Variants in TDRD3 observed in about 807,000 individuals in gnomAD.
The protein encoded by TDRD3 is tudor domain containing 3.
Under a neutral mutation model 86.7 loss-of-function variants are expected in TDRD3, and 45 were observed. That is an observed-to-expected ratio of 0.52 (90% confidence interval 0.41 to 0.67). TDRD3 has a LOEUF of 0.67. Among genes scored for constraint, TDRD3 ranks in the 30% least tolerant of loss-of-function variants. The pLI, the probability that TDRD3 is intolerant of heterozygous loss-of-function variation, is 0.00. For synonymous variants in TDRD3, 298 were observed against 301.7 expected, an observed-to-expected ratio of 0.99 and a Z score of 0.13; for missense variants, 814 against 889.0, an observed-to-expected ratio of 0.92 and a Z score of 1.07.
intron 2 of TDRD3, among the ~76,000 whole-genome samples, chr13:60,442,369 T>TTA (rs1555273694): frequency 1.5e-5 from 2 of 136,084 alleles, no homozygotes; most frequent in Non-Finnish European, 3.4e-5. Context: ...AATAGGGATT[T>TTA]TATGTGTGTG....
intron 3 of TDRD3, among the ~76,000 whole-genome samples, chr13:60,448,762 A>G (rs1042706494): frequency 1.3e-5 from 2 of 152,200 alleles, no homozygotes; most frequent in African/African-American, 2.4e-5. Context: ...GCTAAAAATT[A>G]TGGAAAAAGT....
rs755731106 is a variant in TDRD3 at position 60,421,811 on chromosome 13, C to T, written c.42-17877C>T. ...GGCTTTGGTGATCCAAGGCAGACCT[C>T]GAAAAAAACTACAGAAAAGCAGAGG... On this transcript the variant is annotated intron_variant, in intron 1 of 13. Coordinates refer to ENST00000377881, the MANE Select transcript of TDRD3 (RefSeq NM_001146070.2). Among the ~76,000 whole-genome samples the T allele has an allele frequency of 3.9e-4, 59 of 151,706 alleles. 1 individual carries two copies. Among genetic ancestry groups the T allele is most frequent in the Non-Finnish European group, 7.8e-4 (53 of 67,980 alleles).
At chr13:60,565,539 A>T (rs918533486) in intron 12 of TDRD3, among the ~76,000 whole-genome samples, 15 of 152,150 alleles carry the variant, frequency 9.9e-5, no homozygotes, top group Non-Finnish European at 2.1e-4. Flanking sequence ...TTCAAATAGC[A>T]TTGTCGTTTT....
chr13:60,451,743 A>C (rs1267367001), intron 3 of TDRD3, among the ~76,000 whole-genome samples: 1 of 152,174 alleles, frequency 6.6e-6, no homozygotes, highest in Non-Finnish European at 1.5e-5. Flanking sequence ...ATTGTATATG[A>C]GATTCAATTG....
At chr13:60,532,115 G>A (rs948338829) in intron 11 of TDRD3, among the ~76,000 whole-genome samples, 1 of 152,100 alleles carries the variant, frequency 6.6e-6, no homozygotes, top group Non-Finnish European at 1.5e-5. Flanking sequence ...AGTAATAGCT[G>A]TGGTGAAAAA....
chr13:60,404,468 G>A (rs1297015764), intron 1 of TDRD3, among the ~76,000 whole-genome samples: 4 of 149,696 alleles, frequency 2.7e-5, no homozygotes, highest in Non-Finnish European at 5.9e-5. Context: ...CCGCCACTAC[G>A]CCCGGCTAAT....
At chr13:60,505,878 T>C (rs61968681) in intron 8 of TDRD3, among the ~76,000 whole-genome samples, 22,821 of 152,070 alleles carry the variant, frequency 0.15, 2,149 homozygotes, top group South Asian at 0.28. Flanking sequence ...AATATGGGAC[T>C]ATGTGAAAAG....
chr13:60,567,567 G>A lies in TDRD3; in HGVS notation c.2161G>A (p.Gly721Arg), dbSNP rs1258046576. 2 of 1,614,032 alleles carry A rather than the reference G, an allele frequency of 1.2e-6. No individual in the cohort carries two copies. Among genetic ancestry groups the A allele is most frequent in the African/African-American group, 2.7e-5 (2 of 74,898 alleles). The change falls in exon 13 of 14, where the codon GGA (glycine) becomes AGA (arginine). Residue 721 changes from glycine (G) to arginine (R), a missense_variant. By Grantham distance (125) the Gly-to-Arg change is moderately radical (BLOSUM62 -2). Transcript: ENST00000377881. Reference protein sequence around the residue: ...TYDQTLEFRRGGDGQPRRSTR... With the variant: ...TYDQTLEFRRRGDGQPRRSTR... Reference sequence around the variant, plus strand: ...CGATCAAACTCTGGAGTTCCGTAGGGGAGGTGATGGCCAGCCAAGACGATC... The same window carrying A: ...CGATCAAACTCTGGAGTTCCGTAGGAGAGGTGATGGCCAGCCAAGACGATC...
chr13:60,566,173 G>A (rs962727344), intron 12 of TDRD3, among the ~76,000 whole-genome samples: 1 of 151,744 alleles, frequency 6.6e-6, no homozygotes. Flanking sequence ...ATGCAAAACC[G>A]AAAGATACTA....
At chr13:60,488,882 G>A (rs1165434313) in intron 7 of TDRD3, among the ~76,000 whole-genome samples, 1 of 151,896 alleles carries the variant, frequency 6.6e-6, no homozygotes, top group Non-Finnish European at 1.5e-5. Flanking sequence ...TGCCTGGCCG[G>A]GTTTATTTTT....
chr13:60,559,074 TAAAC>T (rs1958273193), intron 12 of TDRD3, among the ~76,000 whole-genome samples: 1 of 151,814 alleles, frequency 6.6e-6, no homozygotes, highest in Non-Finnish European at 1.5e-5. Flanking sequence ...TTGAAGTAGG[TAAAC>T]AAACTCATGT....
At chr13:60,495,046 T>C (rs1956684300) in intron 8 of TDRD3, among the ~76,000 whole-genome samples, 1 of 152,210 alleles carries the variant, frequency 6.6e-6, no homozygotes, top group Admixed American at 6.5e-5. Flanking sequence ...TCTGGCATGC[T>C]GTAGTGTTCT....
chr13:60,515,755 T>C, intron 10 of TDRD3, among the ~76,000 whole-genome samples: 1 of 152,224 alleles, frequency 6.6e-6, no homozygotes, highest in African/African-American at 2.4e-5. Flanking sequence ...TTCAGCTCAT[T>C]TTAAGATAGC....
intron 1 of TDRD3, among the ~76,000 whole-genome samples, chr13:60,404,545 C>T (rs1225408932): frequency 3.3e-5 from 5 of 151,604 alleles, no homozygotes; most frequent in Admixed American, 6.6e-5. Context: ...CTCCTGACCT[C>T]GTGATCCGCC....
chr13:60,547,210 AT>A, intron 12 of TDRD3: 1 of 983,862 alleles, frequency 1.0e-6, no homozygotes, highest in Non-Finnish European at 1.2e-6. Flanking sequence ...ATCTCATGAC[AT>A]TGTTCACCAC....
At chr13:60,566,494 GA>G (rs1958463029) in intron 12 of TDRD3, among the ~76,000 whole-genome samples, 1 of 151,954 alleles carries the variant, frequency 6.6e-6, no homozygotes, top group Admixed American at 6.6e-5. Context: ...AATATTTTGA[GA>G]AAGAAGATTC....
intron 1 of TDRD3, among the ~76,000 whole-genome samples, chr13:60,398,234 G>A (rs1242558400): frequency 1.3e-5 from 2 of 152,174 alleles, no homozygotes; most frequent in Non-Finnish European, 2.9e-5. Context: ...GTAGGAACGG[G>A]GATGAAAAAG....
intron 10 of TDRD3, among the ~76,000 whole-genome samples, chr13:60,527,160 A>C (rs1417088829): frequency 6.6e-6 from 1 of 152,150 alleles, no homozygotes; most frequent in Non-Finnish European, 1.5e-5. Flanking sequence ...TTGATCTTTA[A>C]TCAGTGACCT....
intron 2 of TDRD3, among the ~76,000 whole-genome samples, chr13:60,443,730 A>G (rs375113730): frequency 7.9e-5 from 12 of 152,072 alleles, no homozygotes; most frequent in African/African-American, 2.4e-4. Flanking sequence ...TTATGTGGTT[A>G]AATGCACTTT....
Sources: gnomAD v4.1 joint callset for allele counts (sites outside exome capture counted in the v4.1 genomes callset) on GRCh38, gnomAD v4.1.1 for gene constraint, MANE v1.5 for transcripts, NCBI Gene and HGNC (gene_info 2026-07-23, HGNC 2026-07-21) for gene names.